SPAG16: variants seen among roughly 807,000 people sequenced by gnomAD.
SPAG16 encodes sperm associated antigen 16.
A neutral mutation model predicts 80.4 loss-of-function variants in SPAG16; 86 were observed. The ratio of observed to expected loss-of-function variants is 1.07; its 90% confidence interval spans 0.90 to 1.28. The LOEUF (loss-of-function observed/expected upper bound fraction) is 1.28, where lower values mean the gene tolerates loss of function less well. SPAG16 is among the 50% of genes most tolerant of loss of function. SPAG16 has a pLI of 0.00. For synonymous variants in SPAG16, 294 were observed against 265.9 expected (o/e 1.11, Z -1.03); for missense variants, 870 against 765.3 (o/e 1.14, Z -1.61).
intron 15 of SPAG16, among the ~76,000 whole-genome samples, chr2:214,189,864 C>T (rs1010283491): frequency 5.3e-5 from 8 of 151,938 alleles, no homozygotes; most frequent in African/African-American, 1.9e-4. Context: ...TTATATTTTG[C>T]ATCATCAAAA....
chr2:213,804,560 G>A (rs2071627049), intron 10 of SPAG16, among the ~76,000 whole-genome samples: 1 of 152,186 alleles, frequency 6.6e-6, no homozygotes, highest in African/African-American at 2.4e-5. Flanking sequence ...GCAGGCGCCT[G>A]TAGTCCCAGC....
chr2:213,846,106 C>T (rs1002589508), intron 10 of SPAG16, among the ~76,000 whole-genome samples: 6 of 152,118 alleles, frequency 3.9e-5, no homozygotes, highest in Non-Finnish European at 8.8e-5. Flanking sequence ...TAACTTAAAA[C>T]ATACCAACAA....
chr2:213,472,418 T>C (rs1455541114), intron 9 of SPAG16, among the ~76,000 whole-genome samples: 1 of 152,196 alleles, frequency 6.6e-6, no homozygotes, highest in Non-Finnish European at 1.5e-5. Context: ...ATCTGTCTTC[T>C]GCATAGGCCT....
intron 12 of SPAG16, among the ~76,000 whole-genome samples, chr2:213,932,199 T>TATATATA (rs1559602689): frequency 5.1e-5 from 7 of 136,996 alleles, no homozygotes; most frequent in Admixed American, 7.5e-5. Context: ...TATATATATA[T>TATATATA]TTGTTGTTGT....
At chr2:214,187,042 G>A (rs773621496) in intron 15 of SPAG16, among the ~76,000 whole-genome samples, 3 of 152,134 alleles carry the variant, frequency 2.0e-5, no homozygotes, top group Admixed American at 1.3e-4. Flanking sequence ...GGGATTACAG[G>A]CATGAGCCAC....
At chr2:213,946,649 G>C (rs188940144) in intron 12 of SPAG16, among the ~76,000 whole-genome samples, 19 of 152,126 alleles carry the variant, frequency 1.2e-4, no homozygotes, top group Admixed American at 8.5e-4. Flanking sequence ...TTTGAAATTG[G>C]TACAATATTA....
At chr2:214,287,600 GT>G (rs1386813030) in intron 15 of SPAG16, among the ~76,000 whole-genome samples, 1 of 152,042 alleles carries the variant, frequency 6.6e-6, no homozygotes, top group Non-Finnish European at 1.5e-5. Context: ...ATTTTTTTGA[GT>G]TTCAATATCT....
At chr2:214,109,843 T>C (rs1000882635) in intron 14 of SPAG16, among the ~76,000 whole-genome samples, 26 of 152,268 alleles carry the variant, frequency 1.7e-4, no homozygotes, top group African/African-American at 6.0e-4. Context: ...CATTATGAAA[T>C]AGAATATAGT....
chr2:214,023,122 G>A (rs1382423528), intron 13 of SPAG16, among the ~76,000 whole-genome samples: 3 of 151,628 alleles, frequency 2.0e-5, no homozygotes, highest in African/African-American at 7.3e-5. Context: ...TTCCCCTCAT[G>A]TTTTCTCTGG....
At chr2:213,426,391 T>C (rs1471218438) in intron 9 of SPAG16, among the ~76,000 whole-genome samples, 1 of 152,098 alleles carries the variant, frequency 6.6e-6, no homozygotes, top group East Asian at 1.9e-4. Flanking sequence ...TCTAGTACTT[T>C]TATAGTTTTA....
intron 15 of SPAG16, among the ~76,000 whole-genome samples, chr2:214,320,153 C>T (rs1429584307): frequency 1.3e-5 from 2 of 152,230 alleles, no homozygotes; most frequent in African/African-American, 2.4e-5. Context: ...ATTCTTCTAT[C>T]TAGCCACAGT....
intron 15 of SPAG16, among the ~76,000 whole-genome samples, chr2:214,263,056 T>C (rs1029382643): frequency 6.6e-6 from 1 of 151,042 alleles, no homozygotes; most frequent in Admixed American, 6.6e-5. Flanking sequence ...ATAGTTACCT[T>C]TTATTCTATA....
intron 9 of SPAG16, among the ~76,000 whole-genome samples, chr2:213,484,669 T>A (rs984588987): frequency 1.3e-5 from 2 of 152,190 alleles, no homozygotes; most frequent in Non-Finnish European, 2.9e-5. Flanking sequence ...TTTTTATTTT[T>A]AAAAATTAAT....
chr2:213,676,937 G>C (rs530410771), intron 10 of SPAG16, among the ~76,000 whole-genome samples: 2 of 151,192 alleles, frequency 1.3e-5, no homozygotes, highest in South Asian at 4.2e-4. Flanking sequence ...TCTATTGATT[G>C]GAATAGTTTC....
intron 15 of SPAG16, among the ~76,000 whole-genome samples, chr2:214,224,228 T>C (rs1023247491): frequency 1.3e-5 from 2 of 152,174 alleles, no homozygotes; most frequent in Non-Finnish European, 2.9e-5. Flanking sequence ...TGACACCAGC[T>C]TGCCTTCCTA....
chr2:213,683,351 G>A (rs1458458709), intron 10 of SPAG16, among the ~76,000 whole-genome samples: 1 of 152,114 alleles, frequency 6.6e-6, no homozygotes, highest in African/African-American at 2.4e-5. Flanking sequence ...AGAAGTTCAA[G>A]AGCAGCCTGG....
intron 15 of SPAG16, among the ~76,000 whole-genome samples, chr2:214,311,105 C>G (rs546912822): frequency 5.3e-5 from 8 of 151,606 alleles, no homozygotes; most frequent in Admixed American, 1.3e-4. Context: ...GTCACCTATC[C>G]ACTAGGGCAG....
chr2:213,976,107 G>GATATAT (rs1491193427), intron 12 of SPAG16, among the ~76,000 whole-genome samples: 1,046 of 85,922 alleles, frequency 0.012, 24 homozygotes, highest in African/African-American at 0.054. Context: ...GACAGTGAGG[G>GATATAT]AGATATATAT....
At chr2:214,341,778 GA>G (rs2126031971) in intron 15 of SPAG16, among the ~76,000 whole-genome samples, 1 of 152,274 alleles carries the variant, frequency 6.6e-6, no homozygotes, top group African/African-American at 2.4e-5. Context: ...AATATGTTTA[GA>G]AATGTACTCC....
Sources: allele counts gnomAD v4.1 joint callset (sites outside exome capture counted in the v4.1 genomes callset), GRCh38; gene constraint gnomAD v4.1.1; transcripts MANE v1.5; gene names NCBI Gene and HGNC (gene_info 2026-07-23, HGNC 2026-07-21).